CADPS: variants seen among roughly 807,000 people sequenced by gnomAD.
CADPS encodes calcium dependent secretion activator.
CADPS carries 57 observed loss-of-function variants against 167.3 expected under a neutral mutation model. The ratio of observed to expected loss-of-function variants is 0.34; its 90% CI spans 0.28 to 0.42. The LOEUF (loss-of-function observed/expected upper bound fraction) is 0.42. Ranked by LOEUF, CADPS falls within the 20% of genes least tolerant of loss-of-function variation. CADPS has a pLI of 1.00. For synonymous variants in CADPS, 676 were observed against 635.3 expected (o/e 1.06, Z -0.96); for missense variants, 1,414 against 1,738.1 (o/e 0.81, Z 3.32).
In CADPS at chr3:62,481,790, G is replaced by A. The variant is rs868827229; in HGVS notation, c.3106C>T (p.Pro1036Ser). ...GTAGGCATTTGTGGGATGCCTAGAG[G>A]GATGTTAACTGGTAGATTTGGTACT... ...PKVPNLPVNI[P>S]LGIPQMPTFS... is the part of the protein sequence containing the mutation. The change falls in exon 22 of 30, where the codon CCT becomes TCT. Residue 1036 changes from proline to serine, a missense_variant. Pro to Ser is a moderately conservative substitution (Grantham distance 74). Transcript: ENST00000383710. 6.2e-7 allele frequency: 1 copy of A among 1,611,726 alleles called. No homozygotes were observed.
At chr3:62,432,566 A>G (rs1413588835) in intron 28 of CADPS, among the ~76,000 whole-genome samples, 1 of 152,194 alleles carries the variant, frequency 6.6e-6, no homozygotes, top group Non-Finnish European at 1.5e-5. Flanking sequence ...TAACAAGGAA[A>G]AAAAGAAGGC....
At chr3:62,636,021 T>C (rs538783644) in intron 6 of CADPS, among the ~76,000 whole-genome samples, 7 of 152,336 alleles carry the variant, frequency 4.6e-5, no homozygotes, top group Admixed American at 1.3e-4. Context: ...CTTCTTTAGT[T>C]CACACCAACT....
intron 11 of CADPS, among the ~76,000 whole-genome samples, chr3:62,537,547 T>G (rs9311842): frequency 2.7e-4 from 41 of 152,112 alleles, no homozygotes; most frequent in African/African-American, 7.5e-4. Flanking sequence ...TACGCAGACT[T>G]TGGAGAAAAA....
intron 1 of CADPS, among the ~76,000 whole-genome samples, chr3:62,833,480 G>A (rs924706509): frequency 5.9e-5 from 9 of 151,794 alleles, no homozygotes; most frequent in Admixed American, 5.2e-4. Context: ...TGAAGCTGAG[G>A]CACGGCCAGC....
At chr3:62,634,292 T>C (rs1469101385) in intron 6 of CADPS, among the ~76,000 whole-genome samples, 1 of 152,218 alleles carries the variant, frequency 6.6e-6, no homozygotes, top group East Asian at 1.9e-4. Flanking sequence ...CTTAAAGATA[T>C]CGAGTTGTAC....
chr3:62,643,290 G>A (rs1371996834), intron 6 of CADPS, among the ~76,000 whole-genome samples: 2 of 152,140 alleles, frequency 1.3e-5, no homozygotes, highest in African/African-American at 4.8e-5. Context: ...TATGGATTTG[G>A]CCTCGAACCC....
chr3:62,826,033 G>A (rs1188526384), intron 1 of CADPS, among the ~76,000 whole-genome samples: 1 of 152,150 alleles, frequency 6.6e-6, no homozygotes, highest in East Asian at 1.9e-4. Flanking sequence ...ATAAATAACT[G>A]AAAAATGGGC....
At chr3:62,622,027 T>C (rs1209455598) in intron 6 of CADPS, among the ~76,000 whole-genome samples, 1 of 152,116 alleles carries the variant, frequency 6.6e-6, no homozygotes, top group Non-Finnish European at 1.5e-5. Context: ...TCACGTCCTC[T>C]GTGCACCTTT....
chr3:62,797,975 G>A (rs979099581), intron 1 of CADPS, among the ~76,000 whole-genome samples: 12 of 152,072 alleles, frequency 7.9e-5, no homozygotes, highest in Non-Finnish European at 1.6e-4. Flanking sequence ...TCATTCATTC[G>A]TTCAACAAAT....
intron 3 of CADPS, among the ~76,000 whole-genome samples, chr3:62,663,940 T>G (rs189465967): frequency 4.7e-4 from 72 of 152,284 alleles, no homozygotes; most frequent in Admixed American, 1.4e-3. Flanking sequence ...TTCCAAAGGG[T>G]GTTCTGTTAC....
chr3:62,840,955 T>C (rs2076569936), intron 1 of CADPS, among the ~76,000 whole-genome samples: 1 of 152,210 alleles, frequency 6.6e-6, no homozygotes, highest in Admixed American at 6.5e-5. Flanking sequence ...TGGAATCCTG[T>C]CTTGTCGTAC....
chr3:62,434,434 C>T (rs1045340092), intron 28 of CADPS, among the ~76,000 whole-genome samples: 4 of 151,996 alleles, frequency 2.6e-5, no homozygotes, highest in African/African-American at 9.7e-5. Flanking sequence ...CTAGGTAAAT[C>T]AATTATATTA....
At chr3:62,728,137 G>A (rs1378423175) in intron 3 of CADPS, among the ~76,000 whole-genome samples, 1 of 151,666 alleles carries the variant, frequency 6.6e-6, no homozygotes, top group Non-Finnish European at 1.5e-5. Context: ...TTAGGCTGCT[G>A]CAAAAGTAAT....
Position 62,641,811 on chromosome 3 carries a change from G to A in CADPS, c.1325+3911C>T, listed in dbSNP as rs546758517. Reference sequence around the variant, plus strand: ...GTAGCAAACAGATTGATCAACTGAAGGATAAGTATGGGCCACAATTTAGCT... The same window carrying A: ...GTAGCAAACAGATTGATCAACTGAAAGATAAGTATGGGCCACAATTTAGCT... On this transcript the variant is annotated intron_variant, in intron 6 of 29. Transcript: ENST00000383710. 6.6e-5 allele frequency among the ~76,000 whole-genome samples: 10 copies of A among 152,226 alleles called. 1 individual carries two copies. The South Asian group carries it at 1.9e-3, about 28-fold the overall frequency.
At chr3:62,809,903 G>A (rs1009708123) in intron 1 of CADPS, among the ~76,000 whole-genome samples, 12 of 152,020 alleles carry the variant, frequency 7.9e-5, no homozygotes, top group East Asian at 1.9e-4. Context: ...ATACAATTAC[G>A]TCTTAACATA....
chr3:62,399,806 T>A lies in CADPS; in HGVS notation c.3883-221A>T, dbSNP rs187512362. 2.1e-3 allele frequency among the ~76,000 whole-genome samples: 322 copies of A among 152,330 alleles called. 2 individuals carry two copies. Among genetic ancestry groups the A allele is most frequent in the Non-Finnish European group, 2.6e-3 (176 of 68,024 alleles). On this transcript the variant is annotated intron_variant, in intron 29 of 29. Coordinates refer to ENST00000383710, the MANE Select transcript of CADPS (RefSeq NM_003716.4). The surrounding 1 kb of genome is among the most constrained non-coding windows in gnomAD (Gnocchi z 5.6). ...GAAATAGTGACAGGATAAACTATAT[T>A]AGATGAGACAAAGCAAAGAACATAA...
At chr3:62,852,044 C>T (rs952578100) in intron 1 of CADPS, among the ~76,000 whole-genome samples, 3 of 147,612 alleles carry the variant, frequency 2.0e-5, no homozygotes, top group South Asian at 2.3e-4. Flanking sequence ...ATTGCTGATA[C>T]CCTTTCTTCC....
intron 3 of CADPS, among the ~76,000 whole-genome samples, chr3:62,695,266 GT>G (rs1293173160): frequency 6.6e-6 from 1 of 151,956 alleles, no homozygotes; most frequent in African/African-American, 2.4e-5. Context: ...GAAGACAGTT[GT>G]TTTGCTGTTG....
At chr3:62,469,923 G>A (rs2060391329) in intron 24 of CADPS, among the ~76,000 whole-genome samples, 2 of 152,164 alleles carry the variant, frequency 1.3e-5, no homozygotes, top group African/African-American at 4.8e-5. Flanking sequence ...CTGATGGGCT[G>A]AGGTGCAAAT....
Sources: gnomAD v4.1 joint callset for allele counts (sites outside exome capture counted in the v4.1 genomes callset) on GRCh38, gnomAD v4.1.1 for gene constraint, Gnocchi (gnomAD v3.1) non-coding constraint, MANE v1.5 for transcripts, NCBI Gene and HGNC (gene_info 2026-07-23, HGNC 2026-07-21) for gene names.